The following TBRG4 variants were observed in gnomAD, a reference collection of about 807,000 sequenced individuals.
TBRG4 encodes FAST kinase domain-containing protein 4.
A neutral mutation model predicts 65.6 loss-of-function variants in TBRG4; 43 were observed. The ratio of observed to expected loss-of-function variants is 0.66; its 90% CI spans 0.51 to 0.85. The LOEUF is 0.85. Among genes scored for constraint, TBRG4 ranks in the 40% least tolerant of loss-of-function variants. TBRG4 has a pLI of 0.00. For missense variants in TBRG4, 709 were observed against 787.9 expected, an observed-to-expected ratio of 0.90 and a Z score of 1.20; for synonymous variants, 366 against 341.4, an observed-to-expected ratio of 1.07 and a Z score of -0.79.
At chr7:45,111,217 T>A (rs1785114888) in intron 1 of TBRG4, among the ~76,000 whole-genome samples, 1 of 152,194 alleles carries the variant, frequency 6.6e-6, no homozygotes, top group South Asian at 2.1e-4. Flanking sequence ...CCCAAAGTGC[T>A]GGGATTACCG....
chr7:45,106,249 G>A (rs1562937092), intron 2 of TBRG4: 1 of 329,426 alleles, frequency 3.0e-6, no homozygotes, highest in East Asian at 7.6e-5. Context: ...GAACTCTAGA[G>A]TGGCAAGGGA....
Position 45,104,168 on chromosome 7 carries a change from C to G in TBRG4, c.996G>C (p.Val332=). Residue 332 remains valine, a synonymous_variant, in exon 5 of 11, where the codon GTG becomes GTC. Coordinates refer to ENST00000258770, the MANE Select transcript of TBRG4 (RefSeq NM_004749.4). ...AGGCGAAGGACTTGGCACAGTGGGC[C>G]ACCTCACCAGAAGTCAGGCTGGGCA... ...SLMPSLTSGE[V]AHCAKSFALL... is the part of the protein sequence containing the mutation. The G allele has an allele frequency of 6.2e-7, 1 of 1,614,052 alleles. No individual in the cohort carries two copies. Among genetic ancestry groups the G allele is most frequent in the East Asian group, 2.2e-5 (1 of 44,884 alleles).
rs1217154024 is a variant in TBRG4 at position 45,109,291 on chromosome 7, A to C, written c.-50-4T>G. The C allele has an allele frequency of 2.0e-6, 3 of 1,517,644 alleles. No homozygotes were observed. The African/African-American group carries it at 4.2e-5, about 21-fold the overall frequency. The allele number at this position is 1,517,644 out of a possible 1,614,324, so 94.0% of individuals were successfully genotyped here. ...TCCTAGCAAGTGATTCCAAACCCTGAAGAGAAAAAGGAGAGAGAAGGGGCT... is the reference window on the plus strand; with the variant it reads ...TCCTAGCAAGTGATTCCAAACCCTGCAGAGAAAAAGGAGAGAGAAGGGGCT... On this transcript the variant is annotated splice_region_variant and splice_polypyrimidine_tract_variant and intron_variant, in intron 1 of 10. Transcript: ENST00000258770.
chr7:45,102,331 G>A lies in TBRG4; in HGVS notation c.1321+16C>T. ...CAGTTTCCCAGTTCCAGTAGTACTAGGGGCAGGGGGCTCACCTAGAAATTG... is the reference window on the plus strand; with the variant it reads ...CAGTTTCCCAGTTCCAGTAGTACTAAGGGCAGGGGGCTCACCTAGAAATTG... On this transcript the variant is annotated intron_variant, in intron 7 of 10. Transcript: ENST00000258770. 3 of 1,613,898 alleles carry A rather than the reference G, an allele frequency of 1.9e-6. No individual in the cohort carries two copies. Among genetic ancestry groups the A allele is most frequent in the Non-Finnish European group, 2.5e-6 (3 of 1,179,930 alleles).
chr7:45,102,124 G>C, intron 7 of TBRG4, 54 bp from the exon 8 acceptor site: 1 of 1,543,468 alleles, frequency 6.5e-7, no homozygotes, highest in Non-Finnish European at 8.7e-7. Context: ...GAGATGGGGA[G>C]ACCCTGATGA....
At chr7:45,103,120 C>T in intron 6 of TBRG4, 1 of 588,570 alleles carries the variant, frequency 1.7e-6, no homozygotes, top group South Asian at 2.0e-5. Flanking sequence ...CCCAGCGCTG[C>T]CTGGCAGGGC....
chr7:45,104,012 T>C, intron 5 of TBRG4, 87 bp downstream of exon 5: 3 of 1,446,010 alleles, frequency 2.1e-6, no homozygotes, highest in Non-Finnish European at 2.7e-6. Flanking sequence ...ATTTTCAGAC[T>C]GGCTTTACTT....
In TBRG4 at chr7:45,104,567, T is replaced by A; in HGVS notation, c.878A>T (p.Asp293Val). The A allele has an allele frequency of 1.9e-6, 3 of 1,613,962 alleles. No individual in the cohort carries two copies. The highest frequency in any genetic ancestry group is 1.1e-5 in the South Asian group (1 of 91,090). ...LVQKPFSLTK[D>V]VLLDVAYAYG... is the part of the protein sequence containing the mutation. ...GGCATAGGCCACGTCCAAGAGCACA[T>A]CTTTCGTCAGAGAGAAGGGCTTCTG... Residue 293 changes from aspartate (D) to valine (V), a missense_variant, in exon 4 of 11, where the codon GAT becomes GTT. By Grantham distance (152) the Asp-to-Val change is radical (BLOSUM62 -3). Transcript: ENST00000258770.
At chr7:45,104,309 C>G in intron 4 of TBRG4, 53 bp from the exon 5 acceptor site, 2 of 1,611,154 alleles carry the variant, frequency 1.2e-6, no homozygotes, top group Non-Finnish European at 1.7e-6. Flanking sequence ...AGCAATCACC[C>G]AGCAGCTCCA....
intron 10 of TBRG4, 148 bp downstream of exon 10, chr7:45,101,109 TA>T: frequency 1.5e-6 from 1 of 686,012 alleles, no homozygotes. Context: ...GGATCCACAG[TA>T]AACTCCCTCC....
chr7:45,104,903 G>C (rs1008229558), intron 3 of TBRG4, 194 bp from the exon 4 acceptor site: 4 of 927,730 alleles, frequency 4.3e-6, no homozygotes, highest in East Asian at 4.8e-5. Flanking sequence ...CCTGGACCTG[G>C]AGCACTGTCC....
In TBRG4 at chr7:45,101,373, C is replaced by A. The variant is rs777769997; in HGVS notation, c.1680-1G>T. 6.2e-7 allele frequency: 1 copy of A among 1,613,922 alleles called. No individual in the cohort carries two copies. ...GAACTCCCACCGCAAGAACGCTAGC[C>A]TGGAAGGAAGAAGAGGTGGCTGACA... On this transcript the variant is annotated splice_acceptor_variant, in intron 9 of 10. Transcript: ENST00000258770. LOFTEE classifies it high-confidence loss of function.
chr7:45,108,123 T>C (rs962517045), intron 2 of TBRG4, among the ~76,000 whole-genome samples: 3 of 152,262 alleles, frequency 2.0e-5, no homozygotes, highest in African/African-American at 4.8e-5. Context: ...GGATAGTGCC[T>C]TTCTCTTCAT....
chr7:45,103,263 G>T lies in TBRG4; in HGVS notation c.1176+70C>A. The stretch of plus-strand genomic sequence containing the variant: ...TCCACCTAGCCCGAGCTGATCTTGG[G>T]AGGACGGTTCATGAGCCATTAGCTG... On this transcript the variant is annotated intron_variant, in intron 6 of 10. Transcript: ENST00000258770. 4 of 1,316,288 alleles carry T rather than the reference G, an allele frequency of 3.0e-6. No individual in the cohort carries two copies. The South Asian group carries it at 5.0e-5, about 16-fold the overall frequency. 81.5% of individuals were successfully genotyped at this position (1,316,288 alleles called of 1,614,324 possible).
At chr7:45,103,531 C>T in intron 5 of TBRG4, 88 bp from the exon 6 acceptor site, 1 of 1,077,424 alleles carries the variant, frequency 9.3e-7, no homozygotes. Flanking sequence ...TGAGGAGAGC[C>T]TGCATGGCCA....
chr7:45,103,263 G>A, intron 6 of TBRG4, 70 bp downstream of exon 6: 1 of 1,316,288 alleles, frequency 7.6e-7, no homozygotes. Context: ...CTGATCTTGG[G>A]AGGACGGTTC....
At chr7:45,107,213 C>T (rs1784986972) in intron 2 of TBRG4, 1 of 152,214 alleles carries the variant, frequency 6.6e-6, no homozygotes, top group African/African-American at 2.4e-5. Context: ...GTGTGCGTAC[C>T]CCCATGAGAC....
rs1338035478 is a variant in TBRG4, at chr7:45,102,391, T to G, written c.1277A>C (p.Glu426Ala). The change falls in exon 7 of 11, where the codon GAG becomes GCG. Residue 426 changes from glutamate (E) to alanine (A), a missense_variant. Physicochemically the swap from Glu to Ala is moderately radical, Grantham distance 107. Coordinates refer to ENST00000258770, the MANE Select transcript of TBRG4 (RefSeq NM_004749.4). ...LCVLQQAREA[E>A]LQAVLHPEFH... is the part of the protein sequence containing the mutation. ...TTCAGGGTGGAGGACGGCTTGCAGCTCTGCTTCCCGTGCCTGCTGCAGCAC... is the reference window on the plus strand; with the variant it reads ...TTCAGGGTGGAGGACGGCTTGCAGCGCTGCTTCCCGTGCCTGCTGCAGCAC... 1 of 1,614,072 alleles carries G rather than the reference T, an allele frequency of 6.2e-7. No homozygotes were observed. Among genetic ancestry groups the G allele is most frequent in the African/African-American group, 1.3e-5 (1 of 75,042 alleles).
At chr7:45,105,032 A>T (rs766035772) in intron 3 of TBRG4, 3 of 716,652 alleles carry the variant, frequency 4.2e-6, no homozygotes, top group South Asian at 4.1e-5. Context: ...ACTGAATTTG[A>T]CTTGACTGCA....
Sources: allele counts gnomAD v4.1 joint callset (sites outside exome capture counted in the v4.1 genomes callset), GRCh38; gene constraint gnomAD v4.1.1; transcripts MANE v1.5; gene names NCBI Gene and HGNC (gene_info 2026-07-23, HGNC 2026-07-21).